SPOCK1: variants seen among roughly 807,000 people sequenced by gnomAD.
The protein encoded by SPOCK1 is SPARC (osteonectin), cwcv and kazal like domains proteoglycan 1.
In SPOCK1, 23 loss-of-function variants were observed where a neutral mutation model predicts 55.3. That is an observed-to-expected ratio of 0.42 (90% CI 0.30 to 0.59). The LOEUF (loss-of-function observed/expected upper bound fraction) is 0.59, where lower values mean the gene tolerates loss of function less well. Among genes scored for constraint, SPOCK1 ranks in the 20% least tolerant of loss-of-function variants. The probability of loss-of-function intolerance (pLI) is 0.22; values close to 1 mark genes in which losing one functional copy is unlikely to be tolerated. For synonymous variants in SPOCK1, 226 were observed against 221.0 expected (o/e 1.02, Z -0.20); for missense variants, 499 against 552.5 (o/e 0.90, Z 0.97).
intron 3 of SPOCK1, among the ~76,000 whole-genome samples, chr5:137,255,055 T>A (rs1756608135): frequency 6.6e-6 from 1 of 152,220 alleles, no homozygotes. Context: ...AGCCAGGCCT[T>A]TAGAAGACAG....
intron 9 of SPOCK1, among the ~76,000 whole-genome samples, chr5:136,983,068 C>T (rs1017059001): frequency 6.6e-6 from 1 of 152,172 alleles, no homozygotes; most frequent in Non-Finnish European, 1.5e-5. Flanking sequence ...TGGAAGAATT[C>T]TTCCTCTTTG....
At chr5:136,992,400 G>T in intron 7 of SPOCK1, 84 bp downstream of exon 7, 2 of 987,830 alleles carry the variant, frequency 2.0e-6, no homozygotes, top group South Asian at 1.7e-5. Context: ...AATGTAATGG[G>T]TGTTTTTCAC....
chr5:137,354,563 A>G (rs185501128), intron 2 of SPOCK1, among the ~76,000 whole-genome samples: 6 of 152,244 alleles, frequency 3.9e-5, no homozygotes, highest in Admixed American at 1.3e-4. Context: ...CTCCAAGCAC[A>G]TCTCTCATGG....
chr5:137,273,858 A>G (rs1334530140), intron 2 of SPOCK1, among the ~76,000 whole-genome samples: 2 of 152,240 alleles, frequency 1.3e-5, no homozygotes, highest in South Asian at 2.1e-4. Context: ...CAGTTTCAAA[A>G]TAGCTTGAGG....
chr5:137,357,500 A>G (rs1454922989), intron 2 of SPOCK1, among the ~76,000 whole-genome samples: 2 of 152,200 alleles, frequency 1.3e-5, no homozygotes, highest in Non-Finnish European at 2.9e-5. Flanking sequence ...GCTCATGATC[A>G]GCTCTGCTTG....
chr5:137,192,893 G>A (rs532818569), intron 3 of SPOCK1, among the ~76,000 whole-genome samples: 1 of 152,290 alleles, frequency 6.6e-6, no homozygotes, highest in East Asian at 1.9e-4. Context: ...ACATACACAT[G>A]GGCATGAAAA....
intron 2 of SPOCK1, among the ~76,000 whole-genome samples, chr5:137,312,556 T>C (rs1367887161): frequency 6.6e-6 from 1 of 152,172 alleles, no homozygotes; most frequent in Non-Finnish European, 1.5e-5. Flanking sequence ...TTAATTTAAA[T>C]TCAGATGCTG....
intron 4 of SPOCK1, among the ~76,000 whole-genome samples, chr5:137,128,012 T>C (rs983002318): frequency 6.6e-6 from 1 of 152,230 alleles, no homozygotes; most frequent in African/African-American, 2.4e-5. Context: ...AAAATTACTA[T>C]GTTGAAACCT....
At chr5:137,282,284 A>G (rs1757180496) in intron 2 of SPOCK1, among the ~76,000 whole-genome samples, 1 of 152,244 alleles carries the variant, frequency 6.6e-6, no homozygotes, top group Admixed American at 6.5e-5. Flanking sequence ...TAAAAATCAA[A>G]TCTGGGTGAT....
intron 2 of SPOCK1, among the ~76,000 whole-genome samples, chr5:137,311,031 G>T (rs796927399): frequency 5.9e-5 from 9 of 152,286 alleles, no homozygotes; most frequent in African/African-American, 1.7e-4. Context: ...GCAAACCTCC[G>T]GAAGGCCAGT....
At chr5:137,359,263 G>A (rs531065376) in intron 2 of SPOCK1, among the ~76,000 whole-genome samples, 21 of 152,278 alleles carry the variant, frequency 1.4e-4, no homozygotes, top group Non-Finnish European at 3.1e-4. Flanking sequence ...ACTCTCATTT[G>A]GTTATAAGAC....
rs559419948 is a variant in SPOCK1, at chr5:137,484,457, T to C, written c.186+13916A>G. ...CTCCCAATCGGGACTCTGATGATCA[T>C]GCATCACCTTACCTGTGCTGGTGCT... On this transcript the variant is annotated intron_variant, in intron 2 of 10. Transcript: ENST00000394945. Among the ~76,000 whole-genome samples the C allele has an allele frequency of 1.7e-4, 26 of 152,360 alleles. No homozygotes were observed. The East Asian group carries it at 5.0e-3, about 29-fold the overall frequency.
chr5:137,228,309 C>T lies in SPOCK1; in HGVS notation c.232+38701G>A, dbSNP rs116693977. Among the ~76,000 whole-genome samples the T allele has an allele frequency of 4.1e-3, 620 of 152,308 alleles. 1 individual carries two copies. Among genetic ancestry groups the T allele is most frequent in the African/African-American group, 0.015 (609 of 41,566 alleles). The stretch of plus-strand genomic sequence containing the variant: ...CTGAACACAGAAGTGAATCACAAAA[C>T]GACTTCTTTCCAGGACCCACCCAAT... On this transcript the variant is annotated intron_variant, in intron 3 of 10. Coordinates refer to ENST00000394945, the MANE Select transcript of SPOCK1 (RefSeq NM_004598.4).
At chr5:137,008,295 T>TACACACACACACACAC (rs141325417) in intron 6 of SPOCK1, among the ~76,000 whole-genome samples, 33 of 138,414 alleles carry the variant, frequency 2.4e-4, no homozygotes, top group South Asian at 7.4e-4. Flanking sequence ...TAATAATAAA[T>TACACACACACACACAC]ACACACACAC....
chr5:137,285,188 C>T (rs892933033), intron 2 of SPOCK1, among the ~76,000 whole-genome samples: 1 of 152,204 alleles, frequency 6.6e-6, no homozygotes, highest in Non-Finnish European at 1.5e-5. Flanking sequence ...AAATTAGATG[C>T]AAATTTGATT....
chr5:136,979,808 G>A, intron 9 of SPOCK1, among the ~76,000 whole-genome samples: 1 of 152,094 alleles, frequency 6.6e-6, no homozygotes. Context: ...AACTCTAAGA[G>A]ATACATACCA....
intron 3 of SPOCK1, among the ~76,000 whole-genome samples, chr5:137,185,012 C>T (rs953463311): frequency 6.6e-6 from 1 of 152,210 alleles, no homozygotes; most frequent in African/African-American, 2.4e-5. Flanking sequence ...ACGCTTGAGA[C>T]TATCTTGTCT....
chr5:137,143,674 G>A (rs1356349162), intron 3 of SPOCK1, among the ~76,000 whole-genome samples: 2 of 152,108 alleles, frequency 1.3e-5, no homozygotes, highest in Non-Finnish European at 2.9e-5. Flanking sequence ...TTTTGTGTTT[G>A]TCTTTTTTCC....
intron 2 of SPOCK1, among the ~76,000 whole-genome samples, chr5:137,304,359 A>T (rs916850): frequency 0.18 from 26,841 of 152,192 alleles, 3,093 homozygotes; most frequent in Middle Eastern, 0.26. Context: ...CTGTGTAAAC[A>T]GCAGCTCACA....
Sources: gnomAD v4.1 joint callset for allele counts (sites outside exome capture counted in the v4.1 genomes callset) on GRCh38, gnomAD v4.1.1 for gene constraint, MANE v1.5 for transcripts, NCBI Gene and HGNC (gene_info 2026-07-23, HGNC 2026-07-21) for gene names.